Variants in SLC24A1 observed in about 807,000 individuals in gnomAD.
SLC24A1 encodes the protein solute carrier family 24 member 1, also known as sodium/potassium/calcium exchanger 1.
A neutral mutation model predicts 88.1 loss-of-function variants in SLC24A1; 52 were observed. The ratio of observed to expected loss-of-function variants is 0.59; its 90% CI spans 0.47 to 0.74. The LOEUF (loss-of-function observed/expected upper bound fraction) is 0.74. Among genes scored for constraint, SLC24A1 ranks in the 30% least tolerant of loss-of-function variants. The pLI is 0.00. For missense variants in SLC24A1, 1,173 were observed against 1,363.3 expected (o/e 0.86, Z 2.20); for synonymous variants, 455 against 498.0 (o/e 0.91, Z 1.15).
chr15:65,623,866 C>A (rs2074405723), intron 1 of SLC24A1, 89 bp from the exon 2 acceptor site: 2 of 493,474 alleles, frequency 4.1e-6, no homozygotes, highest in Middle Eastern at 5.2e-4. Flanking sequence ...GTTCCTGGGG[C>A]TTCTATTATC....
At chr15:65,621,137 C>T (rs2074304493), upstream of SLC24A1, among the ~76,000 whole-genome samples, 1 of 152,130 alleles carries the variant, frequency 6.6e-6, no homozygotes, top group South Asian at 2.1e-4. Context: ...TGAAAGTAAC[C>T]CAAAGCATCA....
rs892193699 is a variant in SLC24A1 at position 65,625,419 on chromosome 15, G to A, written c.1339G>A (p.Val447Met). Reference protein sequence around the residue: ...KGEYPPDLFSVEERRQGWVVL... With the variant: ...KGEYPPDLFSMEERRQGWVVL... ...AGAGTACCCCCCAGATCTGTTCAGT[G>A]TGGAGGAGCGGCGGCAGGGCTGGGT... The change falls in exon 2 of 10, where the codon GTG becomes ATG. Residue 447 changes from valine (V) to methionine (M), a missense_variant. Val to Met is a conservative substitution (Grantham distance 21). Coordinates refer to ENST00000261892, the MANE Select transcript of SLC24A1 (RefSeq NM_004727.3). 5.6e-6 allele frequency: 9 copies of A among 1,613,960 alleles called. No homozygotes were observed. Among genetic ancestry groups the A allele is most frequent in the African/African-American group, 2.7e-5 (2 of 74,932 alleles).
intron 4 of SLC24A1, among the ~76,000 whole-genome samples, chr15:65,642,044 G>A (rs1018941078): frequency 6.6e-6 from 1 of 152,212 alleles, no homozygotes; most frequent in Non-Finnish European, 1.5e-5. Context: ...TTGGGGCATG[G>A]AATGGCTCTC....
Position 65,651,686 on chromosome 15 carries a change from T to C in SLC24A1, c.2810T>C (p.Phe937Ser), listed in dbSNP as rs1044534744. Residue 937 changes from phenylalanine (F) to serine (S), a missense_variant, in exon 8 of 10, where the codon TTT (phenylalanine) becomes TCT (serine). Phe to Ser is a radical substitution (Grantham distance 155, BLOSUM62 -2). Coordinates refer to ENST00000261892, the MANE Select transcript of SLC24A1 (RefSeq NM_004727.3). ...TTCAAACAGGAGTCTAGGAAGTTTT[T>C]TGTTTTCACCTTCCTGGGATCTATC... The part of the protein sequence containing the change: ...DVRRQESRKF[F>S]VFTFLGSIMW... 2.5e-6 allele frequency: 4 copies of C among 1,603,416 alleles called. No homozygotes were observed. Among genetic ancestry groups the C allele is most frequent in the Non-Finnish European group, 3.4e-6 (4 of 1,170,524 alleles).
At chr15:65,648,914 G>A (rs952227289) in intron 6 of SLC24A1, among the ~76,000 whole-genome samples, 1 of 152,070 alleles carries the variant, frequency 6.6e-6, no homozygotes, top group African/African-American at 2.4e-5. Context: ...TTGAAACATA[G>A]GCATCTATGT....
chr15:65,651,549 C>A, intron 7 of SLC24A1, 121 bp from the exon 8 acceptor site: 1 of 661,034 alleles, frequency 1.5e-6, no homozygotes. Flanking sequence ...TCAAATGTCT[C>A]CATTTTGCCT....
chr15:65,615,796 G>A (rs1487940959), intron 2 of SLC24A1, among the ~76,000 whole-genome samples: 9 of 151,802 alleles, frequency 5.9e-5, no homozygotes, highest in Admixed American at 5.2e-4. Context: ...TGATACATAC[G>A]TATGTATGTG....
intron 2 of SLC24A1, among the ~76,000 whole-genome samples, chr15:65,635,462 A>AAAAAAAAAG (rs2074894515): frequency 6.7e-6 from 1 of 148,524 alleles, no homozygotes; most frequent in African/African-American, 2.5e-5. Flanking sequence ...AAAAAAAAAA[A>AAAAAAAAAG]AAAAAAAAGA....
rs961460981 is a variant in SLC24A1 at position 65,644,523 on chromosome 15, T to C, written c.2140+10T>C. 1.3e-6 allele frequency: 2 copies of C among 1,561,436 alleles called. No homozygotes were observed. Among genetic ancestry groups the C allele is most frequent in the Non-Finnish European group, 1.7e-6 (2 of 1,150,168 alleles). ...GAAAGCAAACCAGAAGGTGAGAGGA[T>C]GGCCAGACCAGTGGGTTTTCTCCTG... On this transcript the variant is annotated intron_variant, in intron 5 of 9. Coordinates refer to ENST00000261892, the MANE Select transcript of SLC24A1 (RefSeq NM_004727.3).
At chr15:65,660,750 T>G (rs1376057851), downstream of SLC24A1, 1 of 153,628 alleles carries the variant, frequency 6.5e-6, no homozygotes, top group African/African-American at 2.4e-5. Flanking sequence ...TCAATATGGA[T>G]GAAAATCTAT....
chr15:65,623,761 C>G (rs2074400909), intron 1 of SLC24A1, among the ~76,000 whole-genome samples, 194 bp from the exon 2 acceptor site: 1 of 152,066 alleles, frequency 6.6e-6, no homozygotes, highest in African/African-American at 2.4e-5. Context: ...CAGAGGACCC[C>G]TAGGCACTCT....
chr15:65,655,739 G>A lies in SLC24A1; in HGVS notation c.*1660G>A. ...ATTTTGGCATTGAATGATGGCTAAG[G>A]TGTTCCAAGTATTCCATCTTTTAAG... On this transcript the variant is annotated 3_prime_UTR_variant, in exon 10 of 10. Coordinates refer to ENST00000261892, the MANE Select transcript of SLC24A1 (RefSeq NM_004727.3). 1 of 985,320 alleles carries A rather than the reference G, an allele frequency of 1.0e-6. No individual in the cohort carries two copies. The highest frequency in any genetic ancestry group is 1.2e-6 in the Non-Finnish European group (1 of 829,876). 61.0% of individuals were successfully genotyped at this position (985,320 alleles called of 1,614,324 possible).
intron 2 of SLC24A1, among the ~76,000 whole-genome samples, chr15:65,632,082 G>A (rs1190982876): frequency 3.3e-5 from 5 of 152,172 alleles, no homozygotes; most frequent in South Asian, 4.2e-4. Flanking sequence ...TGCCTGCCTC[G>A]GCCTCCCAAA....
In SLC24A1 at chr15:65,650,661, C is replaced by T; in HGVS notation, c.2512C>T (p.His838Tyr). Residue 838 changes from histidine (H) to tyrosine (Y), a missense_variant, in exon 7 of 10, where the codon CAC (histidine) becomes TAC (tyrosine). Physicochemically the swap from His to Tyr is moderately conservative, Grantham distance 83 (BLOSUM62 2). Transcript: ENST00000261892. This position sits in a 1 kb window ranked among gnomAD's most constrained non-coding sequence, Gnocchi z 4.1. ...AAGCCAGGAACTCAGTGCTGAAAAT[C>T]ACGGTGAAGCCAAAAATGATGAGAA... Reference protein sequence around the residue: ...TESQELSAENHGEAKNDEKGV... With the variant: ...TESQELSAENYGEAKNDEKGV... 6.5e-7 allele frequency: 1 copy of T among 1,546,946 alleles called. No homozygotes were observed. Among genetic ancestry groups the T allele is most frequent in the Non-Finnish European group, 8.7e-7 (1 of 1,144,000 alleles).
intron 6 of SLC24A1, among the ~76,000 whole-genome samples, chr15:65,649,519 A>C (rs2075423232): frequency 6.6e-6 from 1 of 152,142 alleles, no homozygotes; most frequent in Admixed American, 6.5e-5. Flanking sequence ...ACCCATATTC[A>C]AATCCCAACT....
chr15:65,650,840 G>C lies in SLC24A1; in HGVS notation c.2691G>C (p.Leu897=). The part of the protein sequence containing the change: ...EEEEKGNEEP[L]SLDWPETRQK... ...AGGAGAAGGGAAATGAAGAGCCTCT[G>C]TCCCTGGACTGGCCTGAAACCAGGC... The change falls in exon 7 of 10, where the codon CTG becomes CTC. Residue 897 remains leucine (L), a synonymous_variant. Coordinates refer to ENST00000261892, the MANE Select transcript of SLC24A1 (RefSeq NM_004727.3). This position sits in a 1 kb window ranked among gnomAD's most constrained non-coding sequence, Gnocchi z 4.1. 6.2e-7 allele frequency: 1 copy of C among 1,613,906 alleles called. No homozygotes were observed. The highest frequency in any genetic ancestry group is 8.5e-7 in the Non-Finnish European group (1 of 1,179,872).
chr15:65,629,310 TA>T (rs1451971910), intron 2 of SLC24A1, among the ~76,000 whole-genome samples: 4 of 152,216 alleles, frequency 2.6e-5, no homozygotes, highest in Non-Finnish European at 5.9e-5. Context: ...AATCAGAATT[TA>T]CTTAAGAATA....
chr15:65,651,518 C>T (rs2075504568), intron 7 of SLC24A1, among the ~76,000 whole-genome samples, 152 bp from the exon 8 acceptor site: 1 of 152,210 alleles, frequency 6.6e-6, no homozygotes, highest in African/African-American at 2.4e-5. Flanking sequence ...CAAGGTCCTC[C>T]CTGGAGAGAG....
Position 65,625,690 on chromosome 15 carries a change from T to A in SLC24A1, c.1610T>A (p.Leu537His). 1 of 1,614,060 alleles carries A rather than the reference T, an allele frequency of 6.2e-7. No individual in the cohort carries two copies. The highest frequency in any genetic ancestry group is 8.5e-7 in the Non-Finnish European group (1 of 1,179,900). ...TIVGSAVFNI[L>H]FVIGTCSLFS... ...GTGGGCTCTGCTGTGTTCAACATTCTCTTTGTCATTGGCACTTGTTCCCTC... is the reference window on the plus strand; with the variant it reads ...GTGGGCTCTGCTGTGTTCAACATTCACTTTGTCATTGGCACTTGTTCCCTC... Residue 537 changes from leucine (L) to histidine (H), a missense_variant, in exon 2 of 10, where the codon CTC becomes CAC. Physicochemically the swap from Leu to His is moderately conservative, Grantham distance 99. Transcript: ENST00000261892.
Sources: allele counts gnomAD v4.1 joint callset (sites outside exome capture counted in the v4.1 genomes callset), GRCh38; gene constraint gnomAD v4.1.1; non-coding constraint Gnocchi (gnomAD v3.1); transcripts MANE v1.5; gene names NCBI Gene and HGNC (gene_info 2026-07-23, HGNC 2026-07-21).